The following WDPCP variants were observed in gnomAD, a reference collection of about 807,000 sequenced individuals.
WDPCP encodes WD repeat-containing and planar cell polarity effector protein fritz homolog.
WDPCP carries 71 observed loss-of-function variants against 93.1 expected under a neutral mutation model. That is an observed-to-expected ratio of 0.76 (90% CI 0.63 to 0.93). The LOEUF (loss-of-function observed/expected upper bound fraction) is 0.93. WDPCP is among the 40% of genes least tolerant of loss of function. WDPCP has a pLI of 0.00. For synonymous variants in WDPCP, 315 were observed against 315.0 expected (o/e 1.00, Z 0.00); for missense variants, 844 against 887.4 (o/e 0.95, Z 0.62).
intron 6 of WDPCP, among the ~76,000 whole-genome samples, chr2:63,460,194 G>A (rs1430717871): frequency 1.3e-5 from 2 of 152,074 alleles, no homozygotes; most frequent in Non-Finnish European, 2.9e-5. Context: ...AACATGGATG[G>A]AACTGGAGGT....
At chr2:63,174,532 C>T in intron 15 of WDPCP, 138 bp downstream of exon 15, 3 of 1,059,422 alleles carry the variant, frequency 2.8e-6, no homozygotes. Context: ...AACCAAACTA[C>T]TGCAAAGTCT....
intron 2 of WDPCP, among the ~76,000 whole-genome samples, chr2:63,808,987 C>A (rs186588250): frequency 0.01 from 1,562 of 151,762 alleles, 9 homozygotes; most frequent in South Asian, 0.022. Flanking sequence ...AGCGCCTCTG[C>A]CCTGCCGCCC....
chr2:63,563,680 G>A (rs578140093), intron 1 of WDPCP, among the ~76,000 whole-genome samples: 3 of 152,148 alleles, frequency 2.0e-5, no homozygotes, highest in African/African-American at 7.2e-5. Flanking sequence ...AGGCAATTCA[G>A]GTTAAATTGA....
intron 1 of WDPCP, among the ~76,000 whole-genome samples, chr2:63,557,247 T>C (rs1041339817): frequency 2.0e-5 from 3 of 152,060 alleles, no homozygotes; most frequent in Non-Finnish European, 4.4e-5. Flanking sequence ...CCCAACAGTG[T>C]GCTGTATTCA....
At chr2:63,642,391 A>T (rs1442444013) in intron 3 of WDPCP, 1 of 150,946 alleles carries the variant, frequency 6.6e-6, no homozygotes, top group African/African-American at 2.4e-5. Context: ...GAATTTGTAG[A>T]TTGCTTTGGG....
rs137960377 is a variant in WDPCP, at chr2:63,781,528, TG to T, written n.308+32093del. Among the ~76,000 whole-genome samples, 656 of 152,312 alleles carry T rather than the reference TG, an allele frequency of 4.3e-3. 6 individuals carry two copies. The highest frequency in any genetic ancestry group is 0.014 in the African/African-American group (602 of 41,568). Reference sequence around the variant, plus strand: ...TTTATTGAGTGCTTACCCTAGGCACTGTACAGTCACTATGCTAGATTCTAGG... The same window carrying T: ...TTTATTGAGTGCTTACCCTAGGCACTTACAGTCACTATGCTAGATTCTAGG... On this transcript the variant is annotated intron_variant and non_coding_transcript_variant, in intron 2 of 4. Transcript: ENST00000467687.
At chr2:63,808,682 C>T (rs8179829) in intron 2 of WDPCP, among the ~76,000 whole-genome samples, 5 of 152,168 alleles carry the variant, frequency 3.3e-5, no homozygotes, top group South Asian at 4.1e-4. Flanking sequence ...GGCGTGATCT[C>T]GGCTCGCTAC....
intron 1 of WDPCP, among the ~76,000 whole-genome samples, chr2:63,522,799 C>A (rs1413124320): frequency 6.6e-6 from 1 of 152,076 alleles, no homozygotes; most frequent in African/African-American, 2.4e-5. Flanking sequence ...TAAGTAGTTT[C>A]AAAATTGAAT....
rs578215767 is a variant in WDPCP, at chr2:63,394,387, A to C, written c.1435+9661T>G. Among the ~76,000 whole-genome samples, 274 of 148,194 alleles carry C rather than the reference A, an allele frequency of 1.8e-3. 1 individual carries two copies. Among genetic ancestry groups the C allele is most frequent in the African/African-American group, 6.3e-3 (255 of 40,462 alleles). ...TATTATTAATAAGCTAAAAAAAAAA[A>C]CAGATGCTGGTGAGGGTGCAGAGAA... On this transcript the variant is annotated intron_variant, in intron 10 of 17. Transcript: ENST00000272321.
chr2:63,250,591 G>C (rs551408978), intron 14 of WDPCP, among the ~76,000 whole-genome samples: 3 of 152,208 alleles, frequency 2.0e-5, no homozygotes, highest in African/African-American at 7.2e-5. Context: ...TAAGCTATAA[G>C]TTTCCCCATG....
intron 3 of WDPCP, chr2:63,622,338 A>T: frequency 1.3e-6 from 2 of 1,597,510 alleles, no homozygotes; most frequent in African/African-American, 2.7e-5. Context: ...CTTAGTCAAG[A>T]TATATTCAAA....
chr2:63,803,333 T>G (rs1670720912), intron 2 of WDPCP, among the ~76,000 whole-genome samples: 1 of 152,226 alleles, frequency 6.6e-6, no homozygotes, highest in Non-Finnish European at 1.5e-5. Flanking sequence ...ATTTATTTCT[T>G]GCAATAAATA....
chr2:63,818,675 A>G (rs1417022825), intron 1 of WDPCP, among the ~76,000 whole-genome samples: 1 of 152,216 alleles, frequency 6.6e-6, no homozygotes, highest in Non-Finnish European at 1.5e-5. Flanking sequence ...TATTGAGCAA[A>G]AGAAGCAGGA....
At chr2:63,423,412 C>T (rs1461172468) in intron 9 of WDPCP, among the ~76,000 whole-genome samples, 1 of 152,130 alleles carries the variant, frequency 6.6e-6, no homozygotes, top group Non-Finnish European at 1.5e-5. Flanking sequence ...TATTACTTTC[C>T]CATAAGTTAC....
chr2:63,589,370 G>C, upstream of WDPCP: 5 of 1,550,582 alleles, frequency 3.2e-6, no homozygotes, highest in Non-Finnish European at 4.4e-6. Context: ...TACGGTGTTT[G>C]ATAAGGACGA....
rs566768462 is a variant in WDPCP at position 63,226,172 on chromosome 2, G to A, written c.1915+33135C>T. Among the ~76,000 whole-genome samples the A allele has an allele frequency of 3.9e-4, 60 of 151,910 alleles. 1 individual carries two copies. Among genetic ancestry groups the A allele is most frequent in the African/African-American group, 1.4e-3 (60 of 41,524 alleles). On this transcript the variant is annotated intron_variant, in intron 14 of 17. Transcript: ENST00000272321. ...CTGCAGAGGCTTTAGAAAAATAAAG[G>A]TAGATGAGGAAAACATAATTTTATT...
rs557893015 is a variant in WDPCP at position 63,452,780 on chromosome 2, A to C, written c.385-12909T>G. On this transcript the variant is annotated intron_variant, in intron 6 of 17. Transcript: ENST00000272321. ...TTGGAACAGAACAGAGCCCTCAGAA[A>C]TAATACCACACATCTACAACTATCT... Among the ~76,000 whole-genome samples, 10 of 152,344 alleles carry C rather than the reference A, an allele frequency of 6.6e-5. No individual in the cohort carries two copies. The South Asian group carries it at 1.9e-3, about 28-fold the overall frequency.
At chr2:63,338,065 T>A (rs1195789072) in intron 12 of WDPCP, among the ~76,000 whole-genome samples, 1 of 152,174 alleles carries the variant, frequency 6.6e-6, no homozygotes, top group African/African-American at 2.4e-5. Flanking sequence ...ACACAAAATG[T>A]CTTCTCAAAA....
intron 10 of WDPCP, among the ~76,000 whole-genome samples, chr2:63,388,709 C>T (rs1692953660): frequency 6.6e-6 from 1 of 152,106 alleles, no homozygotes. Context: ...CATAAATGAC[C>T]TGATGGAGCT....
Sources: gnomAD v4.1 joint callset for allele counts (sites outside exome capture counted in the v4.1 genomes callset) on GRCh38, gnomAD v4.1.1 for gene constraint, MANE v1.5 for transcripts, NCBI Gene and HGNC (gene_info 2026-07-23, HGNC 2026-07-21) for gene names.